LONP2: variants seen among roughly 807,000 people sequenced by gnomAD.
LONP2 encodes the protein lon protease homolog 2, peroxisomal.
A neutral mutation model predicts 85.6 loss-of-function variants in LONP2; 60 were observed. The ratio of observed to expected loss-of-function variants is 0.70; its 90% confidence interval spans 0.57 to 0.87. The LOEUF is 0.87. Among genes scored for constraint, LONP2 ranks in the 40% least tolerant of loss-of-function variants. The pLI is 0.00. For synonymous variants in LONP2, 395 were observed against 389.7 expected, an observed-to-expected ratio of 1.01 and a Z score of -0.16; for missense variants, 860 against 1,063.5, an observed-to-expected ratio of 0.81 and a Z score of 2.66.
At chr16:48,251,804 A>C (rs1211147928) in intron 1 of LONP2, among the ~76,000 whole-genome samples, 1 of 152,216 alleles carries the variant, frequency 6.6e-6, no homozygotes, top group East Asian at 1.9e-4. Flanking sequence ...CCTTATTCTT[A>C]GTTGACAATG....
chr16:48,265,358 T>C (rs1971968529), intron 6 of LONP2, among the ~76,000 whole-genome samples: 1 of 148,170 alleles, frequency 6.7e-6, no homozygotes, highest in South Asian at 2.1e-4. Flanking sequence ...AGGCCTTACA[T>C]TTAAGTCTTT....
intron 12 of LONP2, among the ~76,000 whole-genome samples, chr16:48,342,908 G>T (rs1959856421): frequency 6.6e-6 from 1 of 152,318 alleles, no homozygotes; most frequent in South Asian, 2.1e-4. Context: ...GACAGCTCAG[G>T]TTCTGTGTCT....
chr16:48,278,925 T>C (rs895395292), intron 8 of LONP2, among the ~76,000 whole-genome samples: 2 of 152,190 alleles, frequency 1.3e-5, no homozygotes, highest in Non-Finnish European at 2.9e-5. Flanking sequence ...TCCACTTTTA[T>C]GTTTTGCTCT....
Position 48,354,836 on chromosome 16 carries a change from A to AAAG in LONP2, c.*3034_*3035insAAG, listed in dbSNP as rs1960279415. On this transcript the variant is annotated 3_prime_UTR_variant, in exon 15 of 15. Transcript: ENST00000285737. ...GAACCTCTTCCTCCTTTGCCACTTT[A>AAAG]GCTTTAGCTCAAAGGAACTCCAACT... 1 of 152,166 alleles carries AAAG rather than the reference A, an allele frequency of 6.6e-6. No homozygotes were observed. The highest frequency in any genetic ancestry group is 1.5e-5 in the Non-Finnish European group (1 of 68,032). The allele number at this position is 152,166 out of a possible 1,614,324, so 9.4% of individuals were successfully genotyped here.
chr16:48,263,826 T>C (rs1971927267), intron 6 of LONP2, among the ~76,000 whole-genome samples: 3 of 152,228 alleles, frequency 2.0e-5, no homozygotes, highest in African/African-American at 7.2e-5. Context: ...CCAATAATCA[T>C]GTAGGTTCTT....
intron 11 of LONP2, among the ~76,000 whole-genome samples, chr16:48,317,157 A>G (rs1450370372): frequency 6.6e-6 from 1 of 152,192 alleles, no homozygotes; most frequent in East Asian, 1.9e-4. Flanking sequence ...TGAAAATCCA[A>G]TCAGGTCTTT....
chr16:48,296,196 CT>C, intron 9 of LONP2, 31 bp downstream of exon 9: 1 of 1,604,556 alleles, frequency 6.2e-7, no homozygotes, highest in Non-Finnish European at 8.5e-7. Flanking sequence ...TATGATACAT[CT>C]TGCCTTTCTG....
chr16:48,316,417 C>T (rs1973146665), intron 11 of LONP2, among the ~76,000 whole-genome samples: 1 of 149,970 alleles, frequency 6.7e-6, no homozygotes, highest in South Asian at 2.1e-4. Flanking sequence ...ACCTTCACCT[C>T]CCAGGTTCAA....
chr16:48,350,364 G>T (rs1186269921), intron 14 of LONP2, among the ~76,000 whole-genome samples: 2 of 151,496 alleles, frequency 1.3e-5, no homozygotes, highest in East Asian at 3.9e-4. Context: ...ACTCTAGCTT[G>T]GGTGACAGAG....
rs1459170979 is a variant in LONP2, at chr16:48,348,154, C to T, written c.2201C>T (p.Ala734Val). 2 of 1,611,858 alleles carry T rather than the reference C, an allele frequency of 1.2e-6. No homozygotes were observed. The highest frequency in any genetic ancestry group is 1.3e-5 in the African/African-American group (1 of 74,912). Residue 734 changes from alanine (A) to valine (V), a missense_variant, in exon 14 of 15, where the codon GCT (alanine) becomes GTT (valine). Ala to Val is a moderately conservative substitution (Grantham distance 64). This residue lies in a region of LONP2 where 743 missense variants were observed against 917.3 expected (regional missense o/e 0.81). Coordinates refer to ENST00000285737, the MANE Select transcript of LONP2 (RefSeq NM_031490.5). ...ACAGACATCCATCTGCACTTCCCAG[C>T]TGGAGCTGTCACAAAAGATGGACCA... ...DNTDIHLHFP[A>V]GAVTKDGPSA...
intron 10 of LONP2, among the ~76,000 whole-genome samples, chr16:48,302,757 T>A (rs1972833298): frequency 6.6e-6 from 1 of 152,236 alleles, no homozygotes; most frequent in Non-Finnish European, 1.5e-5. Context: ...AAGAGCACAA[T>A]TTCTCTTATT....
chr16:48,345,668 G>C (rs971770560), intron 12 of LONP2: 2 of 152,194 alleles, frequency 1.3e-5, no homozygotes, highest in African/African-American at 4.8e-5. Flanking sequence ...TCAGCTTGAT[G>C]CTGGAGTTTG....
intron 2 of LONP2, among the ~76,000 whole-genome samples, chr16:48,253,351 T>A (rs561604597): frequency 6.6e-6 from 1 of 151,998 alleles, no homozygotes; most frequent in Admixed American, 6.6e-5. Flanking sequence ...GTGCCTGTAG[T>A]CCCAGCTACT....
At chr16:48,303,942 T>A (rs2151002443) in intron 11 of LONP2, among the ~76,000 whole-genome samples, 1 of 152,336 alleles carries the variant, frequency 6.6e-6, no homozygotes, top group East Asian at 1.9e-4. Context: ...GATTAGATGG[T>A]GCCCACTCAG....
At chr16:48,340,497 C>G (rs919759159) in intron 12 of LONP2, among the ~76,000 whole-genome samples, 4 of 152,098 alleles carry the variant, frequency 2.6e-5, no homozygotes, top group Non-Finnish European at 5.9e-5. Context: ...TTACTTTCAT[C>G]GAAGATGAAT....
intron 7 of LONP2, among the ~76,000 whole-genome samples, chr16:48,270,892 C>T (rs1373425923): frequency 6.6e-6 from 1 of 152,146 alleles, no homozygotes; most frequent in Non-Finnish European, 1.5e-5. Flanking sequence ...CTTTGGGAGG[C>T]TGAGGTGGGT....
chr16:48,244,448 G>A lies in LONP2; in HGVS notation c.60G>A (p.Glu20=). 1 of 1,595,610 alleles carries A rather than the reference G, an allele frequency of 6.3e-7. No individual in the cohort carries two copies. Among genetic ancestry groups the A allele is most frequent in the Middle Eastern group, 1.7e-4 (1 of 6,034 alleles). The change falls in exon 1 of 15, where the codon GAG becomes GAA. Residue 20 remains glutamate (E), a synonymous_variant. Coordinates refer to ENST00000285737, the MANE Select transcript of LONP2 (RefSeq NM_031490.5). ...GCCTCCCGCTGCTGCTCACCCACGA[G>A]GGCGTCCTGCTGCCCGGCTCCACCA... is the stretch of plus-strand genomic sequence containing the variant. ...PSRLPLLLTH[E]GVLLPGSTMR...
chr16:48,337,614 G>A (rs2151026885), intron 12 of LONP2, among the ~76,000 whole-genome samples: 1 of 152,294 alleles, frequency 6.6e-6, no homozygotes, highest in South Asian at 2.1e-4. Flanking sequence ...CAGGCAACCT[G>A]AGCAGGGCCT....
At position 48,362,849 on chromosome 16, in the gene LONP2, G is replaced by A. The variant is rs912348182; in HGVS notation, c.*986G>A. The A allele has an allele frequency of 2.8e-5, 5 of 175,972 alleles. No individual in the cohort carries two copies. In the South Asian group the frequency reaches 8.1e-4, roughly 29 times the overall value. The allele number at this position is 175,972 out of a possible 1,614,324, so 10.9% of individuals were successfully genotyped here. A position where few individuals can be genotyped will look rare whatever the true frequency, so the allele number is the denominator to read the frequency against. On this transcript the variant is annotated 3_prime_UTR_variant, in exon 5 of 5. Transcript: ENST00000565867. The surrounding 1 kb of genome is among the most constrained non-coding windows in gnomAD (Gnocchi z 4.2). ...TCTAATTTGGAGTCAGCTGTTGATA[G>A]GTACAGGGAGTTACAGGTGAACTCC...
Sources: gnomAD v4.1 joint callset for allele counts (sites outside exome capture counted in the v4.1 genomes callset) on GRCh38, gnomAD v4.1.1 for gene constraint, gnomAD v4.1.1 regional missense constraint, Gnocchi (gnomAD v3.1) non-coding constraint, MANE v1.5 for transcripts, NCBI Gene and HGNC (gene_info 2026-07-23, HGNC 2026-07-21) for gene names.